SH3BGRL: variants seen among roughly 807,000 people sequenced by gnomAD.
SH3BGRL encodes the protein SH3 domain binding glutamate rich protein like.
In SH3BGRL, 7 loss-of-function variants were observed where a neutral mutation model predicts 9.8. That is an observed-to-expected ratio of 0.72 (90% CI 0.41 to 1.35). The LOEUF (loss-of-function observed/expected upper bound fraction) is 1.35. SH3BGRL is among the 40% of genes most tolerant of loss of function. SH3BGRL has a pLI of 0.01. For missense variants in SH3BGRL, 73 were observed against 84.4 expected (o/e 0.86, Z 0.53); for synonymous variants, 36 against 29.1 (o/e 1.24, Z -0.76).
chrX:81,224,774 A>G (rs757225024), intron 1 of SH3BGRL, among the ~76,000 whole-genome samples: 13 of 111,895 alleles, frequency 1.2e-4, no homozygotes, highest in Admixed American at 2.8e-4. Flanking sequence ...GATATGGTAT[A>G]ATAAATGGAT....
At chrX:81,219,409 T>A (rs1010673777) in intron 1 of SH3BGRL, among the ~76,000 whole-genome samples, 2 of 111,157 alleles carry the variant, frequency 1.8e-5, no homozygotes, top group African/African-American at 6.5e-5. Flanking sequence ...TCTTGATTTC[T>A]TTCTCAGATT....
chrX:81,271,717 C>T, intron 1 of SH3BGRL, among the ~76,000 whole-genome samples: 1 of 111,094 alleles, frequency 9.0e-6, no homozygotes, highest in Non-Finnish European at 1.9e-5. Flanking sequence ...CAAGACAGGC[C>T]AACATTCAAA....
At chrX:81,248,393 A>G (rs900674101) in intron 1 of SH3BGRL, among the ~76,000 whole-genome samples, 1 of 112,248 alleles carries the variant, frequency 8.9e-6, no homozygotes, top group Non-Finnish European at 1.9e-5. Flanking sequence ...TCAGCGGACC[A>G]GGCTGGGGCA....
intron 1 of SH3BGRL, among the ~76,000 whole-genome samples, chrX:81,269,586 A>G (rs945508589): frequency 6.3e-5 from 7 of 111,731 alleles, no homozygotes; most frequent in Admixed American, 2.8e-4. Flanking sequence ...TGAGAGATCC[A>G]CTGTTAGTCT....
At chrX:81,251,926 C>G (rs1198839778) in intron 1 of SH3BGRL, among the ~76,000 whole-genome samples, 1 of 111,722 alleles carries the variant, frequency 9.0e-6, no homozygotes, top group Non-Finnish European at 1.9e-5. Context: ...AACACTTCCA[C>G]TTGTTTTTAT....
intron 1 of SH3BGRL, among the ~76,000 whole-genome samples, chrX:81,203,289 T>A (rs1016676239): frequency 9.0e-6 from 1 of 111,693 alleles, no homozygotes; most frequent in East Asian, 2.8e-4. Flanking sequence ...TGTTGTGTGT[T>A]TTTATTTTTT....
At chrX:81,206,717 TGTG>T (rs2075549042) in intron 1 of SH3BGRL, among the ~76,000 whole-genome samples, 1 of 111,553 alleles carries the variant, frequency 9.0e-6, no homozygotes, top group African/African-American at 3.3e-5. Flanking sequence ...GGAGGGATAT[TGTG>T]TCTAAAAGGG....
intron 1 of SH3BGRL, among the ~76,000 whole-genome samples, chrX:81,254,794 G>A (rs912216835): frequency 8.9e-6 from 1 of 111,871 alleles, no homozygotes; most frequent in African/African-American, 3.3e-5. Flanking sequence ...TGAGTGTGCA[G>A]CCTTGAAGAG....
chrX:81,210,195 T>C (rs2075558977), intron 1 of SH3BGRL, among the ~76,000 whole-genome samples: 1 of 111,016 alleles, frequency 9.0e-6, no homozygotes, highest in African/African-American at 3.3e-5. Flanking sequence ...CACCAGAGAA[T>C]ATTCATCTTA....
At position 81,286,498 on chromosome X, in the gene SH3BGRL, CAAAAAAAAAA is replaced by C. The variant is rs570813241; in HGVS notation, c.312+8104_312+8113del. Among the ~76,000 whole-genome samples the C allele has an allele frequency of 5.2e-4, 24 of 46,409 alleles. 1 individual carries two copies. Among genetic ancestry groups the C allele is most frequent in the African/African-American group, 1.8e-3 (19 of 10,754 alleles). The allele number at this position is 46,409 out of a possible 115,157, so 40.3% of individuals were successfully genotyped here. A position where few individuals can be genotyped will look rare whatever the true frequency, so the allele number is the denominator to read the frequency against. ...TGTGGTATTGATTTTAGCTACTAGGCAAAAAAAAAAAAAAAAAAAAAAAAAAGAGAGGGGA... is the reference window on the plus strand; with the variant it reads ...TGTGGTATTGATTTTAGCTACTAGGCAAAAAAAAAAAAAAAAGAGAGGGGA... On this transcript the variant is annotated intron_variant, in intron 3 of 3. Transcript: ENST00000373212.
intron 1 of SH3BGRL, among the ~76,000 whole-genome samples, chrX:81,205,826 C>A (rs1219928371): frequency 2.7e-5 from 3 of 110,465 alleles, no homozygotes; most frequent in South Asian, 3.8e-4. Flanking sequence ...AATTTACATT[C>A]CCAGCAAAAG....
chrX:81,260,961 A>G (rs1380679483), intron 1 of SH3BGRL, among the ~76,000 whole-genome samples: 1 of 111,393 alleles, frequency 9.0e-6, no homozygotes, highest in Non-Finnish European at 1.9e-5. Flanking sequence ...TAAATTGTGT[A>G]CATACTCATT....
intron 3 of SH3BGRL, among the ~76,000 whole-genome samples, chrX:81,294,439 C>A (rs1022912176): frequency 9.0e-6 from 1 of 110,682 alleles, no homozygotes; most frequent in Non-Finnish European, 1.9e-5. Context: ...AAGCCCCAAG[C>A]CCTGGCAACT....
At chrX:81,276,832 G>T (rs2075799730) in intron 1 of SH3BGRL, 152 bp from the exon 2 acceptor site, 3 of 438,977 alleles carry the variant, frequency 6.8e-6, no homozygotes, top group Non-Finnish European at 7.7e-6. Context: ...ATACTTGTGA[G>T]GCATTATTAA....
chrX:81,205,554 C>T (rs1177137858), intron 1 of SH3BGRL, among the ~76,000 whole-genome samples: 6 of 97,659 alleles, frequency 6.1e-5, no homozygotes, highest in Admixed American at 2.3e-4. Flanking sequence ...ATTCATTCAC[C>T]GTTGATGGAC....
chrX:81,274,419 T>C (rs2075791024), intron 1 of SH3BGRL, among the ~76,000 whole-genome samples: 1 of 110,264 alleles, frequency 9.1e-6, no homozygotes, highest in Non-Finnish European at 1.9e-5. Context: ...GAGACCAGCC[T>C]GACCAACATG....
At position 81,266,899 on chromosome X, in the gene SH3BGRL, A is replaced by AGT. The variant is rs2075758994; in HGVS notation, c.46-10085_46-10084insGT. Among the ~76,000 whole-genome samples, 5 of 110,113 alleles carry AGT rather than the reference A, an allele frequency of 4.5e-5. No homozygotes were observed. The East Asian group carries it at 8.6e-4, about 19-fold the overall frequency. ...TATTTCCTTGAGCAGTGGTTTGTAT[A>AGT]TTTACTTGAAGAGGTCCTTCACATC... On this transcript the variant is annotated intron_variant, in intron 1 of 3. Transcript: ENST00000373212.
intron 3 of SH3BGRL, among the ~76,000 whole-genome samples, chrX:81,284,309 T>A (rs2075827524): frequency 9.1e-6 from 1 of 109,879 alleles, no homozygotes; most frequent in African/African-American, 3.3e-5. Flanking sequence ...AAAAAAATCC[T>A]AAAATTCATA....
At chrX:81,218,804 T>C (rs1345625713) in intron 1 of SH3BGRL, among the ~76,000 whole-genome samples, 1 of 105,859 alleles carries the variant, frequency 9.4e-6, no homozygotes, top group African/African-American at 3.4e-5. Flanking sequence ...TATATAGATA[T>C]AGATATAGAT....
Sources: gnomAD v4.1 joint callset for allele counts (sites outside exome capture counted in the v4.1 genomes callset) on GRCh38, gnomAD v4.1.1 for gene constraint, MANE v1.5 for transcripts, NCBI Gene and HGNC (gene_info 2026-07-23, HGNC 2026-07-21) for gene names.